AFF3: variants seen among roughly 807,000 people sequenced by gnomAD.
The protein encoded by AFF3 is AF4/FMR2 family member 3.
AFF3 carries 32 observed loss-of-function variants against 129.7 expected under a neutral mutation model. The observed-to-expected ratio is 0.25, with a 90% CI of 0.19 to 0.33. The LOEUF is 0.33. Ranked by LOEUF, AFF3 falls within the 10% of genes least tolerant of loss-of-function variation. The probability of loss-of-function intolerance (pLI) is 1.00; values close to 1 mark genes in which losing one functional copy is unlikely to be tolerated. For synonymous variants in AFF3, 644 were observed against 635.4 expected, an observed-to-expected ratio of 1.01 and a Z score of -0.20; for missense variants, 1,373 against 1,592.0, an observed-to-expected ratio of 0.86 and a Z score of 2.34.
At chr2:99,802,027 G>A (rs1354760148) in intron 8 of AFF3, among the ~76,000 whole-genome samples, 1 of 152,084 alleles carries the variant, frequency 6.6e-6, no homozygotes, top group Non-Finnish European at 1.5e-5. Flanking sequence ...TGTATAATTA[G>A]AATGTGTAAT....
chr2:99,943,309 G>C (rs1675238388), intron 7 of AFF3, among the ~76,000 whole-genome samples: 1 of 152,196 alleles, frequency 6.6e-6, no homozygotes, highest in African/African-American at 2.4e-5. Flanking sequence ...ATGCTGGACA[G>C]TGTCTGCAGT....
chr2:99,735,620 G>A (rs1018312556), intron 10 of AFF3, among the ~76,000 whole-genome samples: 3 of 152,102 alleles, frequency 2.0e-5, no homozygotes, highest in Non-Finnish European at 4.4e-5. Flanking sequence ...AGTCTCCCGA[G>A]TAGCTGGGAC....
intron 15 of AFF3, among the ~76,000 whole-genome samples, chr2:99,592,934 C>CT (rs1474404231): frequency 5.1e-5 from 4 of 79,054 alleles, no homozygotes; most frequent in African/African-American, 1.4e-4. Context: ...AGACTCCCTC[C>CT]CCCCCCCCCA....
intron 10 of AFF3, among the ~76,000 whole-genome samples, chr2:99,728,463 A>G (rs1679542022): frequency 6.6e-6 from 1 of 152,192 alleles, no homozygotes; most frequent in Non-Finnish European, 1.5e-5. Context: ...GCTTGTCGTC[A>G]CCTAGTCCCA....
chr2:99,849,618 C>T (rs921679639), intron 7 of AFF3, among the ~76,000 whole-genome samples: 2 of 152,088 alleles, frequency 1.3e-5, no homozygotes, highest in Admixed American at 1.3e-4. Flanking sequence ...TACTACACAA[C>T]AGCTGATCAG....
chr2:99,562,945 T>C (rs1212634774), intron 20 of AFF3, among the ~76,000 whole-genome samples: 1 of 151,680 alleles, frequency 6.6e-6, no homozygotes, highest in Non-Finnish European at 1.5e-5. Context: ...AGTGGAAGGG[T>C]GGGAGGAGAG....
intron 7 of AFF3, among the ~76,000 whole-genome samples, chr2:99,887,282 C>A (rs943400553): frequency 4.6e-5 from 7 of 152,194 alleles, no homozygotes; most frequent in Non-Finnish European, 8.8e-5. Flanking sequence ...GGTAAACATA[C>A]TCTATTGTTT....
chr2:100,130,857 G>T (rs1195519847), intron 1 of AFF3, among the ~76,000 whole-genome samples: 3 of 152,028 alleles, frequency 2.0e-5, no homozygotes, highest in Non-Finnish European at 4.4e-5. Context: ...GAGGGCACCT[G>T]CTAGGCCAGA....
chr2:99,902,094 G>A (rs1272193266), intron 7 of AFF3, among the ~76,000 whole-genome samples: 3 of 151,450 alleles, frequency 2.0e-5, no homozygotes, highest in Admixed American at 6.6e-5. Context: ...CCTTGTGTGC[G>A]GGTGAATACT....
intron 7 of AFF3, among the ~76,000 whole-genome samples, chr2:99,860,388 C>T (rs529003636): frequency 6.6e-6 from 1 of 152,162 alleles, no homozygotes; most frequent in African/African-American, 2.4e-5. Flanking sequence ...CCCGTCTCTA[C>T]TAAAAATACA....
intron 7 of AFF3, among the ~76,000 whole-genome samples, chr2:99,992,550 T>C (rs562586944): frequency 1.1e-4 from 16 of 152,332 alleles, no homozygotes; most frequent in Non-Finnish European, 2.1e-4. Flanking sequence ...AATAAGATAA[T>C]AGGGAGCCTT....
chr2:99,793,872 C>T (rs1278635413), intron 8 of AFF3, among the ~76,000 whole-genome samples: 1 of 152,142 alleles, frequency 6.6e-6, no homozygotes, highest in Non-Finnish European at 1.5e-5. Context: ...CTCAAGGAAC[C>T]TGACGTTCAA....
At chr2:99,658,777 C>G (rs1038891393) in intron 12 of AFF3, among the ~76,000 whole-genome samples, 1 of 152,096 alleles carries the variant, frequency 6.6e-6, no homozygotes, top group Non-Finnish European at 1.5e-5. Flanking sequence ...ACCATGGACT[C>G]CTGTGGCTGG....
chr2:100,045,285 G>T (rs1020167528), intron 4 of AFF3, among the ~76,000 whole-genome samples: 2 of 152,172 alleles, frequency 1.3e-5, no homozygotes, highest in African/African-American at 2.4e-5. Flanking sequence ...CTACCCGCCA[G>T]CAACAGTCGC....
At chr2:99,597,186 T>C (rs1020443357) in intron 14 of AFF3, among the ~76,000 whole-genome samples, 2 of 152,208 alleles carry the variant, frequency 1.3e-5, no homozygotes, top group Admixed American at 6.5e-5. Flanking sequence ...TAAAGACCAA[T>C]TGTCTCCACG....
chr2:99,741,242 C>T (rs62150081), intron 10 of AFF3, among the ~76,000 whole-genome samples: 128,645 of 152,088 alleles, frequency 0.85, 54,523 homozygotes, highest in South Asian at 0.93. Flanking sequence ...GAGAAGGAAA[C>T]AAAGGGTATT....
intron 11 of AFF3, among the ~76,000 whole-genome samples, chr2:99,689,597 T>C (rs1025948157): frequency 4.0e-5 from 6 of 148,574 alleles, no homozygotes; most frequent in Admixed American, 6.9e-5. Context: ...CAGTACTGTC[T>C]GAGCCTTACT....
intron 1 of AFF3, among the ~76,000 whole-genome samples, chr2:100,132,041 A>G (rs1340271119): frequency 6.6e-6 from 1 of 152,132 alleles, no homozygotes; most frequent in Non-Finnish European, 1.5e-5. Flanking sequence ...TTGGCAGAAC[A>G]TTTTTAGTTC....
At chr2:99,858,625 T>C (rs767657196) in intron 7 of AFF3, among the ~76,000 whole-genome samples, 26 of 152,128 alleles carry the variant, frequency 1.7e-4, no homozygotes, top group Non-Finnish European at 3.2e-4. Context: ...TGGAGGCCAT[T>C]ATCCTTAGCA....
Sources: allele counts gnomAD v4.1 joint callset (sites outside exome capture counted in the v4.1 genomes callset), GRCh38; gene constraint gnomAD v4.1.1; transcripts MANE v1.5; gene names NCBI Gene and HGNC (gene_info 2026-07-23, HGNC 2026-07-21).